The following SPATS2 variants were observed in gnomAD, a reference collection of about 807,000 sequenced individuals.
SPATS2 encodes spermatogenesis associated serine rich 2, also known as spermatogenesis-associated serine-rich protein 2.
SPATS2 carries 38 observed loss-of-function variants against 63.7 expected under a neutral mutation model. The ratio of observed to expected loss-of-function variants is 0.60; its 90% CI spans 0.46 to 0.78. The LOEUF (loss-of-function observed/expected upper bound fraction) is 0.78. Ranked by LOEUF, SPATS2 falls within the 30% of genes least tolerant of loss-of-function variation. The probability of loss-of-function intolerance (pLI) is 0.00; values close to 1 mark genes in which losing one functional copy is unlikely to be tolerated. For synonymous variants in SPATS2, 207 were observed against 232.9 expected (o/e 0.89, Z 1.01); for missense variants, 588 against 666.2 (o/e 0.88, Z 1.29).
At chr12:49,394,651 A>T (rs1387523388) in intron 2 of SPATS2, among the ~76,000 whole-genome samples, 1 of 151,880 alleles carries the variant, frequency 6.6e-6, no homozygotes, top group Non-Finnish European at 1.5e-5. Context: ...TGTTGCTAGT[A>T]TATAGAAATA....
upstream of SPATS2, chr12:49,367,248 G>T (rs567013518): frequency 2.5e-5 from 7 of 284,284 alleles, no homozygotes; most frequent in Admixed American, 2.7e-4. Context: ...GATTCGCGCC[G>T]GCGCGAGTAC....
intron 2 of SPATS2, among the ~76,000 whole-genome samples, chr12:49,394,027 CT>C (rs1232216241): frequency 1.3e-5 from 2 of 152,228 alleles, no homozygotes; most frequent in South Asian, 2.1e-4. Flanking sequence ...TATTCCAGGA[CT>C]TTTGCATTTT....
At position 49,525,962 on chromosome 12, in the gene SPATS2, C is replaced by A. The variant is rs1169614478; in HGVS notation, c.1345C>A (p.Arg449=). The change falls in exon 14 of 14, where the codon CGA becomes AGA. Residue 449 remains arginine, a synonymous_variant. Transcript: ENST00000552918. Reference sequence around the variant, plus strand: ...TCTTTAGGTATTGCCAGGGAACAGACGAGGAGGACAGGGCTATAGGCCACA... The same window carrying A: ...TCTTTAGGTATTGCCAGGGAACAGAAGAGGAGGACAGGGCTATAGGCCACA... ...PLREVLPGNR[R]GGQGYRPQGQ... 15 of 1,613,970 alleles carry A rather than the reference C, an allele frequency of 9.3e-6. No homozygotes were observed. The highest frequency in any genetic ancestry group is 1.3e-5 in the Non-Finnish European group (15 of 1,179,898).
At chr12:49,460,514 A>G (rs191901556) in intron 2 of SPATS2, among the ~76,000 whole-genome samples, 3 of 152,346 alleles carry the variant, frequency 2.0e-5, no homozygotes, top group Admixed American at 6.5e-5. Flanking sequence ...TTTGCAAAGC[A>G]GAGATGGGGA....
chr12:49,445,774 G>A (rs1393352206), intron 2 of SPATS2, among the ~76,000 whole-genome samples: 2 of 152,080 alleles, frequency 1.3e-5, no homozygotes, highest in South Asian at 2.1e-4. Context: ...GCCTGCCTCG[G>A]CCTCCCAAAG....
chr12:49,469,400 AAAAAAAAAAAAAAG>A, intron 3 of SPATS2: 25 of 256,616 alleles, frequency 9.7e-5, no homozygotes, highest in South Asian at 9.0e-4. Flanking sequence ...AAAAAAAAAA[AAAAAAAAAAAAAAG>A]CCAGGCATGG....
intron 3 of SPATS2, among the ~76,000 whole-genome samples, chr12:49,472,630 A>ATAT (rs1565739231): frequency 1.4e-5 from 2 of 141,248 alleles, no homozygotes; most frequent in Non-Finnish European, 3.1e-5. Context: ...TATATATATA[A>ATAT]AATATTATAT....
At chr12:49,396,540 A>G (rs1407497517) in intron 2 of SPATS2, among the ~76,000 whole-genome samples, 6 of 152,064 alleles carry the variant, frequency 3.9e-5, no homozygotes, top group African/African-American at 1.4e-4. Flanking sequence ...GTACTATTTC[A>G]TTCTTTAGTT....
At chr12:49,469,376 T>G (rs1592430201) in intron 3 of SPATS2, among the ~76,000 whole-genome samples, 4 of 111,560 alleles carry the variant, frequency 3.6e-5, no homozygotes, top group Admixed American at 1.2e-4. Context: ...GGCAACAGAG[T>G]GAGACTCTGT....
rs187146297 is a variant in SPATS2, at chr12:49,383,406, C to T, written c.-244+12116C>T. Among the ~76,000 whole-genome samples, 11 of 151,596 alleles carry T rather than the reference C, an allele frequency of 7.3e-5. 1 individual carries two copies. Among genetic ancestry groups the T allele is most frequent in the Admixed American group, 6.6e-4 (10 of 15,178 alleles). ...CTTGGAAATTTTTTTATGTCAGATC[C>T]TCTTTATTTTTATTTATTTTTTGAG... On this transcript the variant is annotated intron_variant, in intron 2 of 13. Transcript: ENST00000552918.
At chr12:49,367,246 C>G (rs1348406099), upstream of SPATS2, 1 of 278,826 alleles carries the variant, frequency 3.6e-6, no homozygotes, top group African/African-American at 2.2e-5. Flanking sequence ...CGGATTCGCG[C>G]CGGCGCGAGT....
At chr12:49,484,695 A>T (rs1487060360) in intron 4 of SPATS2, 26 bp downstream of exon 4, 2 of 1,606,024 alleles carry the variant, frequency 1.2e-6, no homozygotes, top group Non-Finnish European at 1.7e-6. Context: ...ATGGATAGTA[A>T]ACTTAAATGT....
At chr12:49,401,561 A>C (rs1395195448) in intron 2 of SPATS2, among the ~76,000 whole-genome samples, 2 of 152,226 alleles carry the variant, frequency 1.3e-5, no homozygotes, top group Non-Finnish European at 2.9e-5. Context: ...TTTGTGCTTA[A>C]ATATTTCATG....
rs146680167 is a variant in SPATS2 at position 49,370,809 on chromosome 12, A to T, written c.-306-419A>T. ...ACCTCCTCCCACCTGCCCAGAAAGG[A>T]TCTCACTCTGTCGCCCAGGCTGGAG... On this transcript the variant is annotated intron_variant, in intron 1 of 13. Transcript: ENST00000552918. Among the ~76,000 whole-genome samples the T allele has an allele frequency of 1.4e-3, 212 of 152,150 alleles. 1 individual carries two copies. Among genetic ancestry groups the T allele is most frequent in the African/African-American group, 4.7e-3 (195 of 41,508 alleles).
intron 2 of SPATS2, among the ~76,000 whole-genome samples, chr12:49,419,039 C>T (rs1944936541): frequency 6.6e-6 from 1 of 152,168 alleles, no homozygotes; most frequent in African/African-American, 2.4e-5. Context: ...TTCTTTTCCC[C>T]TCCACCTGAC....
Position 49,489,445 on chromosome 12 carries a change from G to T in SPATS2, c.106-20G>T. 1.2e-6 allele frequency: 2 copies of T among 1,603,378 alleles called. No homozygotes were observed. The highest frequency in any genetic ancestry group is 2.2e-5 in the South Asian group (2 of 90,386). On this transcript the variant is annotated intron_variant, in intron 4 of 13. Transcript: ENST00000552918. ...TGACCTACTAATGTTAGAATTAAAT[G>T]ACCCTGTCATCTTTTCCAGATAAAT...
intron 2 of SPATS2, among the ~76,000 whole-genome samples, chr12:49,425,520 A>G (rs1041722773): frequency 4.0e-5 from 6 of 151,784 alleles, no homozygotes; most frequent in African/African-American, 9.7e-5. Flanking sequence ...GGGTATTGCT[A>G]TGTTGCCCAG....
chr12:49,441,804 G>A (rs1044496330), intron 2 of SPATS2: 4 of 152,144 alleles, frequency 2.6e-5, no homozygotes, highest in African/African-American at 9.6e-5. Context: ...TTCAGATGTT[G>A]ATAAGCCGTT....
intron 1 of SPATS2, among the ~76,000 whole-genome samples, chr12:49,368,367 G>T (rs1252327572): frequency 6.6e-6 from 1 of 152,114 alleles, no homozygotes; most frequent in African/African-American, 2.4e-5. Context: ...ATTTACCTAC[G>T]GTTAATGAAG....
Sources: gnomAD v4.1 joint callset for allele counts (sites outside exome capture counted in the v4.1 genomes callset) on GRCh38, gnomAD v4.1.1 for gene constraint, MANE v1.5 for transcripts, NCBI Gene and HGNC (gene_info 2026-07-23, HGNC 2026-07-21) for gene names.